PAFAH1B2: variants seen among roughly 807,000 people sequenced by gnomAD.
The protein encoded by PAFAH1B2 is platelet activating factor acetylhydrolase 1b catalytic subunit 2.
PAFAH1B2 carries 8 observed loss-of-function variants against 28.0 expected under a neutral mutation model. The observed-to-expected ratio is 0.29, with a 90% CI of 0.17 to 0.52. The LOEUF (loss-of-function observed/expected upper bound fraction) is 0.52. PAFAH1B2 is among the 20% of genes least tolerant of loss of function. The pLI, the probability that PAFAH1B2 is intolerant of heterozygous loss-of-function variation, is 0.97. For synonymous variants in PAFAH1B2, 104 were observed against 103.2 expected, an observed-to-expected ratio of 1.01 and a Z score of -0.05; for missense variants, 190 against 282.6, an observed-to-expected ratio of 0.67 and a Z score of 2.35.
At chr11:117,148,759 T>C (rs776384455) in intron 1 of PAFAH1B2, among the ~76,000 whole-genome samples, 5 of 152,164 alleles carry the variant, frequency 3.3e-5, no homozygotes, top group Non-Finnish European at 7.3e-5. Flanking sequence ...CCTTCTCTTA[T>C]AATAATAAAG....
chr11:117,152,943 A>G (rs899248372), intron 2 of PAFAH1B2, among the ~76,000 whole-genome samples: 1 of 152,156 alleles, frequency 6.6e-6, no homozygotes, highest in Admixed American at 6.5e-5. Flanking sequence ...GCAGGCGCCT[A>G]TAGTCCCAGT....
At chr11:117,175,991 G>A, downstream of PAFAH1B2, 1 of 1,398,564 alleles carries the variant, frequency 7.2e-7, no homozygotes, top group Non-Finnish European at 9.8e-7. Context: ...CTCCAAACTT[G>A]GCAGCTGACT....
intron 1 of PAFAH1B2, among the ~76,000 whole-genome samples, chr11:117,145,851 A>C (rs938377332): frequency 7.9e-5 from 12 of 152,222 alleles, no homozygotes; most frequent in Admixed American, 7.9e-4. Flanking sequence ...GAGAAGTTAT[A>C]ACGCTTTGTT....
intron 4 of PAFAH1B2, among the ~76,000 whole-genome samples, chr11:117,163,566 G>C (rs974129750): frequency 6.6e-6 from 1 of 151,850 alleles, no homozygotes; most frequent in Non-Finnish European, 1.5e-5. Flanking sequence ...CCAGCTACTC[G>C]GGAGGCTGAG....
intron 4 of PAFAH1B2, among the ~76,000 whole-genome samples, chr11:117,161,644 GA>G (rs1385426345): frequency 6.6e-6 from 1 of 151,950 alleles, no homozygotes; most frequent in African/African-American, 2.4e-5. Context: ...GAGTAGCTGG[GA>G]TTACAGGCGC....
chr11:117,172,465 G>C (rs964565617), downstream of PAFAH1B2, among the ~76,000 whole-genome samples: 3 of 143,530 alleles, frequency 2.1e-5, no homozygotes, highest in Admixed American at 2.2e-4. Context: ...TGCTTATAGT[G>C]GATTCATAAC....
chr11:117,167,780 T>TA lies in PAFAH1B2; in HGVS notation c.*83dup. ...GGCACTACAGAATCCTTCTCTTTCT[T>TA]AAGGCACTTTGCATTGTAGAATGTT... On this transcript the variant is annotated 3_prime_UTR_variant, in exon 6 of 6. Transcript: ENST00000527958. 1 of 1,374,584 alleles carries TA rather than the reference T, an allele frequency of 7.3e-7. No individual in the cohort carries two copies. Among genetic ancestry groups the TA allele is most frequent in the Non-Finnish European group, 9.5e-7 (1 of 1,056,834 alleles). The allele number at this position is 1,374,584 out of a possible 1,614,324, so 85.1% of individuals were successfully genotyped here. A position where few individuals can be genotyped will look rare whatever the true frequency, so the allele number is the denominator to read the frequency against.
At chr11:117,148,444 C>T (rs1956066838) in intron 1 of PAFAH1B2, among the ~76,000 whole-genome samples, 1 of 152,152 alleles carries the variant, frequency 6.6e-6, no homozygotes, top group African/African-American at 2.4e-5. Flanking sequence ...TCCCACCTGT[C>T]CTGTGTTGTT....
At chr11:117,166,633 A>G (rs1956516721) in intron 5 of PAFAH1B2, among the ~76,000 whole-genome samples, 1 of 152,202 alleles carries the variant, frequency 6.6e-6, no homozygotes, top group South Asian at 2.1e-4. Context: ...GCAATTGGAA[A>G]AGGGCTACAA....
downstream of PAFAH1B2, among the ~76,000 whole-genome samples, chr11:117,177,343 A>G (rs2030039021): frequency 6.6e-6 from 1 of 152,204 alleles, no homozygotes; most frequent in Admixed American, 6.5e-5. Flanking sequence ...GTACTACTCT[A>G]TATTTTTAGA....
At chr11:117,161,320 T>C in intron 4 of PAFAH1B2, 59 bp downstream of exon 4, 1 of 1,121,418 alleles carries the variant, frequency 8.9e-7, no homozygotes, top group African/African-American at 1.6e-5. Context: ...GATAGTTAAA[T>C]TGTCTGAAAC....
At chr11:117,149,033 A>ATTTTTTTTTTTTTT (rs71037462) in intron 1 of PAFAH1B2, among the ~76,000 whole-genome samples, 3 of 118,612 alleles carry the variant, frequency 2.5e-5, no homozygotes, top group East Asian at 2.3e-4. Context: ...ACACCTGCCA[A>ATTTTTTTTTTTTTT]TTTTTTTTTT....
downstream of PAFAH1B2, among the ~76,000 whole-genome samples, chr11:117,177,765 A>T (rs2030065510): frequency 6.6e-6 from 1 of 152,204 alleles, no homozygotes; most frequent in Non-Finnish European, 1.5e-5. Context: ...CGAACTCCTG[A>T]CCTCAAGTGA....
At chr11:117,159,097 T>A (rs1352068046) in intron 2 of PAFAH1B2, among the ~76,000 whole-genome samples, 2 of 152,234 alleles carry the variant, frequency 1.3e-5, no homozygotes, top group Admixed American at 1.3e-4. Flanking sequence ...AGTTGTTGAA[T>A]ACAAGAGGCA....
At chr11:117,144,758 G>A (rs1336734403) in intron 1 of PAFAH1B2, among the ~76,000 whole-genome samples, 1 of 150,624 alleles carries the variant, frequency 6.6e-6, no homozygotes, top group East Asian at 2.0e-4. Flanking sequence ...GCCCTGCCCT[G>A]CCCTGCCCTG....
intron 1 of PAFAH1B2, among the ~76,000 whole-genome samples, chr11:117,145,649 C>T (rs1453765561): frequency 6.6e-6 from 1 of 152,154 alleles, no homozygotes; most frequent in Non-Finnish European, 1.5e-5. Flanking sequence ...CCGGAGGAAC[C>T]ACCCACCAGC....
chr11:117,175,222 C>T, downstream of PAFAH1B2: 1 of 1,096,306 alleles, frequency 9.1e-7, no homozygotes, highest in Non-Finnish European at 1.1e-6. Context: ...GACCTGTGCA[C>T]AAGGCCAGGA....
intron 1 of PAFAH1B2, among the ~76,000 whole-genome samples, chr11:117,152,151 T>G (rs559998403): frequency 1.3e-5 from 2 of 152,192 alleles, no homozygotes; most frequent in African/African-American, 2.4e-5. Flanking sequence ...CACAAAAAAC[T>G]AATATAGGTA....
In PAFAH1B2 at chr11:117,153,283, TAGAA is replaced by T. The variant is rs569686821; in HGVS notation, c.81+760_81+763del. Reference sequence around the variant, plus strand: ...AAACTACACAAATGTTACAGAAATTTAGAAAGAAGTATCTTCATCTAGACTCACC... The same window carrying T: ...AAACTACACAAATGTTACAGAAATTTAGAAGTATCTTCATCTAGACTCACC... On this transcript the variant is annotated intron_variant, in intron 2 of 5. Coordinates refer to ENST00000527958, the MANE Select transcript of PAFAH1B2 (RefSeq NM_002572.4). Among the ~76,000 whole-genome samples, 57 of 152,360 alleles carry T rather than the reference TAGAA, an allele frequency of 3.7e-4. No homozygotes were observed. In the South Asian group the frequency reaches 5.8e-3, roughly 15 times the overall value.
Sources: allele counts gnomAD v4.1 joint callset (sites outside exome capture counted in the v4.1 genomes callset), GRCh38; gene constraint gnomAD v4.1.1; transcripts MANE v1.5; gene names NCBI Gene and HGNC (gene_info 2026-07-23, HGNC 2026-07-21).